MEIG1: variants seen among roughly 807,000 people sequenced by gnomAD.
MEIG1 encodes meiosis/spermiogenesis associated 1, also known as meiosis expressed gene 1 protein homolog.
MEIG1 carries 12 observed loss-of-function variants against 11.3 expected under a neutral mutation model. The observed-to-expected ratio is 1.07, with a 90% confidence interval of 0.68 to 1.73. The LOEUF is 1.73. MEIG1 is among the 40% of genes most tolerant of loss of function. The pLI is 0.00. For synonymous variants in MEIG1, 41 were observed against 33.2 expected (o/e 1.24, Z -0.81); for missense variants, 119 against 104.9 (o/e 1.13, Z -0.59).
intron 1 of MEIG1, among the ~76,000 whole-genome samples, chr10:14,964,495 A>G (rs926971476): frequency 5.3e-5 from 8 of 151,302 alleles, no homozygotes; most frequent in Non-Finnish European, 1.2e-4. Context: ...TTTACCCAGT[A>G]TGAAGGATGG....
intron 2 of MEIG1, chr10:14,970,121 C>T (rs1843132694): frequency 2.6e-5 from 4 of 152,076 alleles, no homozygotes; most frequent in Admixed American, 2.0e-4. Flanking sequence ...GGATGTTTCT[C>T]CCAGTGTGCA....
chr10:14,958,000 G>C (rs1036616738), upstream of MEIG1, among the ~76,000 whole-genome samples: 5 of 152,198 alleles, frequency 3.3e-5, no homozygotes, highest in South Asian at 2.1e-4. Flanking sequence ...ACAGACTACA[G>C]AGGGGGCATA....
At chr10:14,966,642 T>C (rs377643543) in intron 2 of MEIG1, 36 bp downstream of exon 2, 3 of 1,578,750 alleles carry the variant, frequency 1.9e-6, no homozygotes, top group Admixed American at 1.9e-5. Flanking sequence ...CAACTCGAAA[T>C]GTATTTCTCA....
At chr10:14,959,232 A>G (rs1842982017), upstream of MEIG1, among the ~76,000 whole-genome samples, 1 of 152,230 alleles carries the variant, frequency 6.6e-6, no homozygotes, top group Non-Finnish European at 1.5e-5. Context: ...GAGCCCTGGC[A>G]GCGCTCCTAC....
downstream of MEIG1, among the ~76,000 whole-genome samples, chr10:14,973,824 A>G (rs1843179002): frequency 1.3e-5 from 2 of 151,812 alleles, no homozygotes; most frequent in Admixed American, 6.6e-5. Context: ...ACTAATGATG[A>G]AAAGTATGGT....
At chr10:14,981,302 C>T (rs183659991) in intron 1 of MEIG1, among the ~76,000 whole-genome samples, 1 of 151,944 alleles carries the variant, frequency 6.6e-6, no homozygotes, top group African/African-American at 2.4e-5. Flanking sequence ...ATAATGACTC[C>T]CGTGGTGGGT....
intron 1 of MEIG1, among the ~76,000 whole-genome samples, chr10:14,981,391 G>T (rs927326606): frequency 6.6e-6 from 1 of 152,102 alleles, no homozygotes; most frequent in Non-Finnish European, 1.5e-5. Context: ...TCCCAGCAAG[G>T]TCAAGGGACG....
In MEIG1 at chr10:14,966,524, A is replaced by T. The variant is rs1442702679; in HGVS notation, c.56A>T (p.Glu19Val). The T allele has an allele frequency of 6.2e-7, 1 of 1,613,100 alleles. No individual in the cohort carries two copies. The highest frequency in any genetic ancestry group is 1.1e-5 in the South Asian group (1 of 90,814). The stretch of plus-strand genomic sequence containing the variant: ...GTAAGTCATGCCAAAAAATGGTCAG[A>T]AGAGATAGAAAATCTGTACAGATTT... ...KSVSHAKKWS[E>V]EIENLYRFQQ... The change falls in exon 2 of 3, where the codon GAA becomes GTA. Residue 19 changes from glutamate to valine, a missense_variant. Coordinates refer to ENST00000407572, the MANE Select transcript of MEIG1 (RefSeq NM_001080836.3).
chr10:14,961,552 C>G (rs1843012741), intron 1 of MEIG1, among the ~76,000 whole-genome samples: 1 of 151,580 alleles, frequency 6.6e-6, no homozygotes, highest in Non-Finnish European at 1.5e-5. Flanking sequence ...CTCACCGCAA[C>G]CTCCGTCTCC....
upstream of MEIG1, among the ~76,000 whole-genome samples, chr10:14,958,898 AAAAAAC>A (rs926037163): frequency 7.9e-5 from 12 of 152,178 alleles, no homozygotes; most frequent in South Asian, 2.1e-4. Context: ...TCCGTCTAAA[AAAAAAC>A]AAAAACAAAA....
At chr10:14,971,358 CTG>C (rs1843148309) in intron 2 of MEIG1, among the ~76,000 whole-genome samples, 1 of 97,448 alleles carries the variant, frequency 1.0e-5, no homozygotes, top group Non-Finnish European at 2.0e-5. Context: ...TAGTGAGACC[CTG>C]TCTCTACAAA....
At chr10:14,967,074 T>G (rs1168417905) in intron 2 of MEIG1, among the ~76,000 whole-genome samples, 3 of 152,032 alleles carry the variant, frequency 2.0e-5, no homozygotes, top group Non-Finnish European at 4.4e-5. Context: ...CCCAGAAGAA[T>G]GATTTGCAGG....
chr10:14,968,308 T>C (rs1042490944), intron 2 of MEIG1, among the ~76,000 whole-genome samples: 1 of 151,836 alleles, frequency 6.6e-6, no homozygotes, highest in Non-Finnish European at 1.5e-5. Flanking sequence ...GCCAACATGG[T>C]GAAACCCTGT....
intron 1 of MEIG1, among the ~76,000 whole-genome samples, chr10:14,960,872 C>CA (rs1377598450): frequency 2.6e-5 from 4 of 151,812 alleles, no homozygotes; most frequent in South Asian, 2.1e-4. Context: ...ACTAAAAATA[C>CA]AAAAAAATTA....
intron 1 of MEIG1, among the ~76,000 whole-genome samples, chr10:14,981,685 G>T (rs1179156143): frequency 7.9e-5 from 12 of 152,128 alleles, no homozygotes; most frequent in Non-Finnish European, 1.3e-4. Flanking sequence ...GTTGAGCCGG[G>T]CCCCTTCCTC....
At chr10:14,979,015 A>C (rs1055458149) in intron 1 of MEIG1, among the ~76,000 whole-genome samples, 2 of 152,044 alleles carry the variant, frequency 1.3e-5, no homozygotes, top group Non-Finnish European at 2.9e-5. Flanking sequence ...ACACCTTGTG[A>C]TATTATTCGT....
At chr10:14,973,410 T>G (rs1843173927), downstream of MEIG1, among the ~76,000 whole-genome samples, 1 of 151,998 alleles carries the variant, frequency 6.6e-6, no homozygotes, top group African/African-American at 2.4e-5. Context: ...AAACTGGAAG[T>G]GTCAAGGAAT....
chr10:14,975,644 T>C (rs1344420503), downstream of MEIG1, among the ~76,000 whole-genome samples: 2 of 152,012 alleles, frequency 1.3e-5, no homozygotes, highest in African/African-American at 4.8e-5. Context: ...GCAGGGTGTG[T>C]ACAGCCCCCC....
chr10:14,958,723 C>T (rs1022588051), upstream of MEIG1, among the ~76,000 whole-genome samples: 4 of 152,002 alleles, frequency 2.6e-5, no homozygotes, highest in Non-Finnish European at 5.9e-5. Context: ...GGTGAAACCC[C>T]GTCTCTACTA....
Sources: gnomAD v4.1 joint callset for allele counts (sites outside exome capture counted in the v4.1 genomes callset) on GRCh38, gnomAD v4.1.1 for gene constraint, MANE v1.5 for transcripts, NCBI Gene and HGNC (gene_info 2026-07-23, HGNC 2026-07-21) for gene names.